AK8: variants seen among roughly 807,000 people sequenced by gnomAD.
AK8 encodes the protein ATP-AMP transphosphorylase 8.
In AK8, 44 loss-of-function variants were observed where a neutral mutation model predicts 54.6. The ratio of observed to expected loss-of-function variants is 0.81; its 90% confidence interval spans 0.63 to 1.04. AK8 has a LOEUF of 1.04. Among genes scored for constraint, AK8 ranks in the 50% least tolerant of loss-of-function variants. The probability of loss-of-function intolerance (pLI) is 0.00; values close to 1 mark genes in which losing one functional copy is unlikely to be tolerated. For missense variants in AK8, 555 were observed against 613.6 expected (o/e 0.90, Z 1.01); for synonymous variants, 239 against 245.6 (o/e 0.97, Z 0.25).
chr9:132,763,070 C>G (rs1336272889), intron 11 of AK8, among the ~76,000 whole-genome samples: 1 of 152,132 alleles, frequency 6.6e-6, no homozygotes, highest in East Asian at 1.9e-4. Flanking sequence ...TATGCCCATG[C>G]AGAGAGCTGT....
chr9:132,728,847 A>G (rs1343992060), intron 11 of AK8, among the ~76,000 whole-genome samples: 5 of 152,240 alleles, frequency 3.3e-5, no homozygotes, highest in African/African-American at 1.2e-4. Context: ...CCTAGTTCCA[A>G]TGGTTTCATC....
chr9:132,808,285 G>A (rs1255446898), intron 10 of AK8, among the ~76,000 whole-genome samples: 2 of 152,132 alleles, frequency 1.3e-5, no homozygotes, highest in Non-Finnish European at 2.9e-5. Context: ...GAGCCCTGGG[G>A]AATAAATTTG....
At chr9:132,769,559 A>G (rs1222193964) in intron 11 of AK8, 1 of 152,316 alleles carries the variant, frequency 6.6e-6, no homozygotes, top group Non-Finnish European at 1.5e-5. Context: ...AAGGAAGGGC[A>G]TAAGAGAAGG....
chr9:132,777,095 C>A (rs1004644723), intron 11 of AK8, among the ~76,000 whole-genome samples: 12 of 152,136 alleles, frequency 7.9e-5, no homozygotes, highest in African/African-American at 2.9e-4. Context: ...AACTCTACCC[C>A]GCAAAGCCAG....
intron 9 of AK8, among the ~76,000 whole-genome samples, chr9:132,820,324 G>A (rs555312685): frequency 2.6e-5 from 4 of 151,604 alleles, no homozygotes; most frequent in Non-Finnish European, 5.9e-5. Context: ...ATGCTTTTTT[G>A]AACAAAAATG....
intron 10 of AK8, among the ~76,000 whole-genome samples, chr9:132,807,009 G>A (rs1011532966): frequency 6.6e-6 from 1 of 152,156 alleles, no homozygotes; most frequent in African/African-American, 2.4e-5. Flanking sequence ...GTAACAACTC[G>A]ATAATGATCT....
At chr9:132,800,552 C>G (rs1840397637) in intron 10 of AK8, among the ~76,000 whole-genome samples, 1 of 152,138 alleles carries the variant, frequency 6.6e-6, no homozygotes, top group African/African-American at 2.4e-5. Flanking sequence ...CCTTGGTTCC[C>G]CAAGTAGGAG....
At chr9:132,755,754 G>A (rs867424859) in intron 11 of AK8, among the ~76,000 whole-genome samples, 1 of 149,432 alleles carries the variant, frequency 6.7e-6, no homozygotes, top group African/African-American at 2.4e-5. Context: ...CCAATGACTG[G>A]CTCCAACTCT....
intron 10 of AK8, among the ~76,000 whole-genome samples, chr9:132,798,276 T>C (rs1032481795): frequency 2.6e-5 from 4 of 152,190 alleles, no homozygotes; most frequent in African/African-American, 9.6e-5. Context: ...TGTCCCAGCC[T>C]CTCTGAGGCT....
chr9:132,831,683 C>T (rs1842108062), intron 5 of AK8, among the ~76,000 whole-genome samples: 1 of 152,158 alleles, frequency 6.6e-6, no homozygotes, highest in South Asian at 2.1e-4. Context: ...GACTCAGCCT[C>T]CAGGTCACTC....
chr9:132,736,613 G>A (rs183889482), intron 11 of AK8, among the ~76,000 whole-genome samples: 7 of 151,208 alleles, frequency 4.6e-5, no homozygotes, highest in Admixed American at 2.6e-4. Flanking sequence ...GTGAAACCCC[G>A]TCTCTACTAA....
chr9:132,778,985 C>T (rs1376721718), intron 11 of AK8, among the ~76,000 whole-genome samples: 1 of 151,892 alleles, frequency 6.6e-6, no homozygotes, highest in Non-Finnish European at 1.5e-5. Flanking sequence ...AACAGGCTAC[C>T]TTCCCCACTT....
At chr9:132,853,006 C>A (rs1426404834) in intron 5 of AK8, among the ~76,000 whole-genome samples, 1 of 151,702 alleles carries the variant, frequency 6.6e-6, no homozygotes. Context: ...TCAGCAAACA[C>A]CAAAAAGAAT....
intron 11 of AK8, among the ~76,000 whole-genome samples, chr9:132,765,507 C>T (rs573576319): frequency 6.8e-6 from 1 of 147,982 alleles, no homozygotes; most frequent in South Asian, 2.2e-4. Flanking sequence ...AAGCTGGGGA[C>T]AGTGGTGCAC....
Position 132,789,619 on chromosome 9 carries a change from A to AG in AK8, c.1121+3014_1121+3015insC, listed in dbSNP as rs1245688442. Among the ~76,000 whole-genome samples, 109 of 149,790 alleles carry AG rather than the reference A, an allele frequency of 7.3e-4. 1 individual carries two copies. Among genetic ancestry groups the AG allele is most frequent in the Middle Eastern group, 3.4e-3 (1 of 294 alleles). ...TCACAAAAAAAAAAAAAAAAAAAAAAAAAGAAAGAAAGAAAAGAAAAAAAG... is the reference window on the plus strand; with the variant it reads ...TCACAAAAAAAAAAAAAAAAAAAAAAGAAAGAAAGAAAGAAAAGAAAAAAAG... On this transcript the variant is annotated intron_variant, in intron 11 of 12. Coordinates refer to ENST00000298545, the MANE Select transcript of AK8 (RefSeq NM_152572.3).
intron 2 of AK8, among the ~76,000 whole-genome samples, chr9:132,869,121 A>C (rs1843707612): frequency 6.6e-6 from 1 of 152,194 alleles, no homozygotes. Flanking sequence ...TGGAGGTTGC[A>C]GTGAGCTGAG....
chr9:132,840,023 G>C (rs1269150688), intron 5 of AK8, among the ~76,000 whole-genome samples: 1 of 151,994 alleles, frequency 6.6e-6, no homozygotes, highest in African/African-American at 2.4e-5. Context: ...TCACCATGTT[G>C]CCCAGGCTGT....
chr9:132,836,806 C>T (rs1842342700), intron 5 of AK8, among the ~76,000 whole-genome samples: 1 of 152,220 alleles, frequency 6.6e-6, no homozygotes, highest in African/African-American at 2.4e-5. Flanking sequence ...GGGGAGTTTG[C>T]CTGTCCTCTG....
At chr9:132,813,867 C>T (rs748654674) in intron 10 of AK8, among the ~76,000 whole-genome samples, 27 of 152,342 alleles carry the variant, frequency 1.8e-4, no homozygotes, top group Non-Finnish European at 3.5e-4. Flanking sequence ...GAGCATCTAA[C>T]TGCTGAGGAC....
Sources: gnomAD v4.1 joint callset for allele counts (sites outside exome capture counted in the v4.1 genomes callset) on GRCh38, gnomAD v4.1.1 for gene constraint, MANE v1.5 for transcripts, NCBI Gene and HGNC (gene_info 2026-07-23, HGNC 2026-07-21) for gene names.